AMPH: variants seen among roughly 807,000 people sequenced by gnomAD.
AMPH encodes the protein amphiphysin (Stiff-Mann syndrome with breast cancer 128kD autoantigen).
In AMPH, 49 loss-of-function variants were observed where a neutral mutation model predicts 99.1. The ratio of observed to expected loss-of-function variants is 0.49; its 90% CI spans 0.39 to 0.63. AMPH has a LOEUF of 0.63. Among genes scored for constraint, AMPH ranks in the 20% least tolerant of loss-of-function variants. AMPH has a pLI of 0.00. For missense variants in AMPH, 759 were observed against 863.4 expected, an observed-to-expected ratio of 0.88 and a Z score of 1.52; for synonymous variants, 314 against 317.3, an observed-to-expected ratio of 0.99 and a Z score of 0.11.
chr7:38,572,988 A>G (rs1792106978), intron 1 of AMPH, among the ~76,000 whole-genome samples: 1 of 152,222 alleles, frequency 6.6e-6, no homozygotes. Flanking sequence ...TTGGTGTGGT[A>G]GCATCTCCTA....
At chr7:38,520,966 T>C (rs1789934755) in intron 2 of AMPH, among the ~76,000 whole-genome samples, 1 of 152,184 alleles carries the variant, frequency 6.6e-6, no homozygotes, top group Admixed American at 6.5e-5. Context: ...GAAAAGCCAT[T>C]TACTTGGCTG....
chr7:38,571,171 AT>A (rs1481575885), intron 1 of AMPH, among the ~76,000 whole-genome samples: 3 of 94,660 alleles, frequency 3.2e-5, no homozygotes, highest in South Asian at 3.4e-4. Flanking sequence ...ATTTTTATAT[AT>A]TTTTATATAT....
chr7:38,421,018 T>C, intron 16 of AMPH: 2 of 456,650 alleles, frequency 4.4e-6, no homozygotes, highest in Non-Finnish European at 8.8e-6. Context: ...TGTGATTTCC[T>C]AGATCAGAGG....
intron 1 of AMPH, among the ~76,000 whole-genome samples, chr7:38,535,962 C>T (rs1004913565): frequency 1.3e-5 from 2 of 152,054 alleles, no homozygotes; most frequent in Non-Finnish European, 2.9e-5. Context: ...TATTAGAAGC[C>T]AGGATGATGG....
intron 1 of AMPH, among the ~76,000 whole-genome samples, chr7:38,535,417 A>T (rs560109174): frequency 6.6e-6 from 1 of 152,222 alleles, no homozygotes; most frequent in Non-Finnish European, 1.5e-5. Flanking sequence ...AAGCTGTCTG[A>T]CTAAAGCATT....
At chr7:38,559,926 A>C (rs1016162736) in intron 1 of AMPH, among the ~76,000 whole-genome samples, 1 of 152,220 alleles carries the variant, frequency 6.6e-6, no homozygotes, top group Admixed American at 6.5e-5. Context: ...TCACCTAACC[A>C]GTCCACTTGA....
intron 1 of AMPH, among the ~76,000 whole-genome samples, chr7:38,543,257 A>AAAAAAAT (rs1272503113): frequency 5.3e-5 from 8 of 152,106 alleles, no homozygotes; most frequent in Non-Finnish European, 1.0e-4. Flanking sequence ...ACCCTATCTC[A>AAAAAAAT]AAAAAATAAA....
intron 1 of AMPH, among the ~76,000 whole-genome samples, chr7:38,567,062 T>G (rs1173058281): frequency 1.3e-5 from 2 of 152,194 alleles, no homozygotes; most frequent in Non-Finnish European, 2.9e-5. Context: ...GGATTATAAA[T>G]CATTCTACCA....
intron 1 of AMPH, among the ~76,000 whole-genome samples, chr7:38,555,803 AGT>A (rs1228712212): frequency 6.6e-6 from 1 of 152,184 alleles, no homozygotes; most frequent in Non-Finnish European, 1.5e-5. Context: ...CATAATTTGT[AGT>A]GTTTTCCAAA....
intron 1 of AMPH, among the ~76,000 whole-genome samples, chr7:38,610,301 GAAAAGAAAAGAAAAGAAAAGAAAAGA>G (rs1457842468): frequency 0.012 from 91 of 7,640 alleles, 9 homozygotes; most frequent in African/African-American, 0.041. Context: ...AGAAAGAAAA[GAAAAGAAAAGAAAAGAAAAGAAAAGA>G]AAAGAAAAAA....
intron 3 of AMPH, among the ~76,000 whole-genome samples, chr7:38,503,279 TA>T (rs1233447673): frequency 6.6e-6 from 1 of 152,172 alleles, no homozygotes; most frequent in African/African-American, 2.4e-5. Flanking sequence ...TGAGAGGGCT[TA>T]GGTGCGTGTC....
chr7:38,512,471 T>C (rs1789576650), intron 2 of AMPH, among the ~76,000 whole-genome samples: 1 of 152,218 alleles, frequency 6.6e-6, no homozygotes, highest in African/African-American at 2.4e-5. Flanking sequence ...ATGAGTTTAA[T>C]TCACAAGGGG....
intron 1 of AMPH, among the ~76,000 whole-genome samples, chr7:38,550,440 G>GATCAGATAATCAA (rs1351395716): frequency 6.6e-6 from 1 of 152,210 alleles, no homozygotes; most frequent in Non-Finnish European, 1.5e-5. Flanking sequence ...TGCAGACAAA[G>GATCAGATAATCAA]ATCAGATAAT....
intron 14 of AMPH, among the ~76,000 whole-genome samples, chr7:38,427,226 G>GATAATT (rs1785812490): frequency 6.6e-6 from 1 of 151,720 alleles, no homozygotes; most frequent in African/African-American, 2.4e-5. Flanking sequence ...ATTATTGCTT[G>GATAATT]GTGCCAACCA....
intron 1 of AMPH, among the ~76,000 whole-genome samples, chr7:38,598,689 G>A (rs1028881048): frequency 2.6e-5 from 4 of 152,040 alleles, no homozygotes; most frequent in Non-Finnish European, 5.9e-5. Context: ...TTCTAATTCC[G>A]TATTTTCTTG....
chr7:38,619,109 T>C (rs1267044715), intron 1 of AMPH, among the ~76,000 whole-genome samples: 1 of 152,188 alleles, frequency 6.6e-6, no homozygotes, highest in Non-Finnish European at 1.5e-5. Flanking sequence ...GGAGGATTGC[T>C]TGAGTCCAGG....
At chr7:38,591,680 C>A (rs1344651603) in intron 1 of AMPH, among the ~76,000 whole-genome samples, 1 of 152,190 alleles carries the variant, frequency 6.6e-6, no homozygotes, top group Non-Finnish European at 1.5e-5. Context: ...ACCTTATCAT[C>A]CCTCCACCAC....
intron 2 of AMPH, among the ~76,000 whole-genome samples, chr7:38,504,225 T>C (rs1789247712): frequency 6.6e-6 from 1 of 152,242 alleles, no homozygotes. Flanking sequence ...TTAAACTACA[T>C]TATTAAAATT....
chr7:38,441,788 G>GCCATATATATGATATATATCATATATCTA (rs59247929), intron 11 of AMPH, among the ~76,000 whole-genome samples: 1 of 55,586 alleles, frequency 1.8e-5, no homozygotes, highest in Non-Finnish European at 5.1e-5. Flanking sequence ...TCATATATCT[G>GCCATATATATGATATATATCATATATCTA]TCATATATAT....
Sources: gnomAD v4.1 joint callset for allele counts (sites outside exome capture counted in the v4.1 genomes callset) on GRCh38, gnomAD v4.1.1 for gene constraint, MANE v1.5 for transcripts, NCBI Gene and HGNC (gene_info 2026-07-23, HGNC 2026-07-21) for gene names.